DLG2: variants seen among roughly 807,000 people sequenced by gnomAD.
DLG2 encodes the protein disks large homolog 2.
Under a neutral mutation model 132.5 loss-of-function variants are expected in DLG2, and 45 were observed. The ratio of observed to expected loss-of-function variants is 0.34; its 90% CI spans 0.27 to 0.44. The LOEUF is 0.44. Ranked by LOEUF, DLG2 falls within the 20% of genes least tolerant of loss-of-function variation. DLG2 has a pLI of 1.00. For synonymous variants in DLG2, 424 were observed against 419.6 expected (o/e 1.01, Z -0.13); for missense variants, 1,045 against 1,196.9 (o/e 0.87, Z 1.87).
chr11:84,544,161 C>G (rs2099384868), intron 6 of DLG2, among the ~76,000 whole-genome samples: 1 of 152,152 alleles, frequency 6.6e-6, no homozygotes, highest in Non-Finnish European at 1.5e-5. Context: ...CCATTTCTCC[C>G]CTAAAATGAG....
chr11:83,885,568 C>T (rs1453306787), intron 15 of DLG2, among the ~76,000 whole-genome samples: 1 of 152,058 alleles, frequency 6.6e-6, no homozygotes, highest in Non-Finnish European at 1.5e-5. Context: ...GCAAGGCAGG[C>T]CAACATTCAG....
At chr11:84,476,832 C>A (rs922699486) in intron 7 of DLG2, among the ~76,000 whole-genome samples, 1 of 152,146 alleles carries the variant, frequency 6.6e-6, no homozygotes, top group Non-Finnish European at 1.5e-5. Context: ...ATGATTCCAG[C>A]CTCTTTGTGT....
At chr11:83,471,600 C>T in intron 24 of DLG2, 26 bp downstream of exon 24, 1 of 1,551,386 alleles carries the variant, frequency 6.4e-7, no homozygotes, top group Non-Finnish European at 8.9e-7. Context: ...TTTGTTTTTC[C>T]TAGAGGAAAG....
intron 8 of DLG2, among the ~76,000 whole-genome samples, chr11:84,192,320 A>C (rs895028646): frequency 6.6e-6 from 1 of 152,216 alleles, no homozygotes; most frequent in Non-Finnish European, 1.5e-5. Context: ...GACATCTAAA[A>C]CATGTTCTGA....
chr11:83,802,067 C>CT (rs554595212), intron 17 of DLG2, among the ~76,000 whole-genome samples: 29 of 146,186 alleles, frequency 2.0e-4, no homozygotes, highest in South Asian at 4.4e-4. Context: ...AGGCCCAAGA[C>CT]TTTTTTTTTT....
At chr11:83,800,197 G>A (rs1367344781) in intron 17 of DLG2, among the ~76,000 whole-genome samples, 1 of 152,188 alleles carries the variant, frequency 6.6e-6, no homozygotes, top group African/African-American at 2.4e-5. Flanking sequence ...GGAGTGCTGA[G>A]TTCCAGTCAT....
At chr11:84,182,367 TA>T (rs35822865) in intron 8 of DLG2, among the ~76,000 whole-genome samples, 9,535 of 139,516 alleles carry the variant, frequency 0.068, 380 homozygotes, top group East Asian at 0.25. Context: ...CCCCAACTCC[TA>T]AAAAAAAAAA....
At position 84,050,742 on chromosome 11, in the gene DLG2, C is replaced by T. The variant is rs544672225; in HGVS notation, c.919+8573G>A. Reference sequence around the variant, plus strand: ...GTTTCAGCTTTCTACATATGGCTAGCCAGTTTTCCCAGCACCATTTATTAA... The same window carrying T: ...GTTTCAGCTTTCTACATATGGCTAGTCAGTTTTCCCAGCACCATTTATTAA... On this transcript the variant is annotated intron_variant, in intron 11 of 27. Transcript: ENST00000376104. Among the ~76,000 whole-genome samples, 21 of 152,020 alleles carry T rather than the reference C, an allele frequency of 1.4e-4. No individual in the cohort carries two copies. In the East Asian group the frequency reaches 4.1e-3, roughly 30 times the overall value.
chr11:84,204,951 G>A (rs7118667), intron 8 of DLG2, among the ~76,000 whole-genome samples: 109,881 of 152,066 alleles, frequency 0.72, 41,690 homozygotes, highest in Middle Eastern at 0.87. Context: ...TGATACACCC[G>A]CCTCAGCCTC....
At chr11:84,312,510 C>A (rs1410903920) in intron 7 of DLG2, among the ~76,000 whole-genome samples, 1 of 151,934 alleles carries the variant, frequency 6.6e-6, no homozygotes, top group East Asian at 1.9e-4. Context: ...AAACAAAAAA[C>A]CCAGAAAATC....
At chr11:85,270,943 T>G (rs1294580709) in intron 4 of DLG2, among the ~76,000 whole-genome samples, 2 of 152,166 alleles carry the variant, frequency 1.3e-5, no homozygotes, top group African/African-American at 2.4e-5. Context: ...GACAATCCGA[T>G]AGAAAGCAAA....
chr11:84,144,746 T>A (rs541180840), intron 9 of DLG2, among the ~76,000 whole-genome samples: 136 of 152,032 alleles, frequency 8.9e-4, no homozygotes, highest in African/African-American at 3.1e-3. Flanking sequence ...CTTGTCACTG[T>A]GTAAGGACAT....
chr11:85,541,268 C>T (rs562987874), intron 3 of DLG2, among the ~76,000 whole-genome samples: 1 of 152,040 alleles, frequency 6.6e-6, no homozygotes, highest in South Asian at 2.1e-4. Context: ...TTATTTAATA[C>T]TTATGTATTT....
chr11:84,495,916 G>A (rs374628773), intron 7 of DLG2, among the ~76,000 whole-genome samples: 1 of 152,148 alleles, frequency 6.6e-6, no homozygotes, highest in Non-Finnish European at 1.5e-5. Context: ...ACCACAGAAT[G>A]AATGCTTCTC....
At chr11:84,741,769 T>C (rs1026066917) in intron 6 of DLG2, among the ~76,000 whole-genome samples, 1 of 152,038 alleles carries the variant, frequency 6.6e-6, no homozygotes, top group African/African-American at 2.4e-5. Context: ...TAAGGAAACA[T>C]GGTATCTCTA....
chr11:83,990,362 A>G (rs574835765), intron 11 of DLG2, among the ~76,000 whole-genome samples: 91 of 152,284 alleles, frequency 6.0e-4, no homozygotes, highest in Non-Finnish European at 9.7e-4. Flanking sequence ...TCATGTCAAC[A>G]TAAGAAATGC....
chr11:85,533,434 A>T (rs1274194947), intron 3 of DLG2, among the ~76,000 whole-genome samples: 1 of 147,784 alleles, frequency 6.8e-6, no homozygotes, highest in Non-Finnish European at 1.5e-5. Context: ...TATATATATG[A>T]AATACATATA....
At chr11:85,103,600 C>T (rs918948894) in intron 6 of DLG2, among the ~76,000 whole-genome samples, 1 of 151,802 alleles carries the variant, frequency 6.6e-6, no homozygotes, top group Non-Finnish European at 1.5e-5. Context: ...GACCTAAATG[C>T]AAGAGCTAAA....
chr11:85,495,012 C>A, intron 3 of DLG2, among the ~76,000 whole-genome samples: 1 of 151,890 alleles, frequency 6.6e-6, no homozygotes, highest in Non-Finnish European at 1.5e-5. Context: ...GAAAAGACAA[C>A]CTGTTACAAT....
Sources: allele counts gnomAD v4.1 joint callset (sites outside exome capture counted in the v4.1 genomes callset), GRCh38; gene constraint gnomAD v4.1.1; transcripts MANE v1.5; gene names NCBI Gene and HGNC (gene_info 2026-07-23, HGNC 2026-07-21).